MEI4: variants seen among roughly 807,000 people sequenced by gnomAD.
MEI4 encodes the protein meiotic double-stranded break formation protein 4.
MEI4 carries 27 observed loss-of-function variants against 31.4 expected under a neutral mutation model. The ratio of observed to expected loss-of-function variants is 0.86; its 90% CI spans 0.63 to 1.19. The LOEUF is 1.19. Ranked by LOEUF, MEI4 falls within the 50% of genes most tolerant of loss-of-function variation. MEI4 has a pLI of 0.00. For synonymous variants in MEI4, 122 were observed against 145.4 expected, an observed-to-expected ratio of 0.84 and a Z score of 1.16; for missense variants, 329 against 398.9, an observed-to-expected ratio of 0.82 and a Z score of 1.49.
chr6:77,658,341 A>T (rs1768437533), intron 1 of MEI4, among the ~76,000 whole-genome samples: 1 of 152,154 alleles, frequency 6.6e-6, no homozygotes, highest in Non-Finnish European at 1.5e-5. Context: ...CAATAGTGGA[A>T]TGTCATCAGT....
intron 2 of MEI4, among the ~76,000 whole-genome samples, chr6:77,695,872 G>A (rs1159279689): frequency 1.2e-4 from 18 of 152,122 alleles, no homozygotes; most frequent in Admixed American, 2.0e-4. Context: ...CCATTTTCAC[G>A]ATATAGATTC....
At chr6:77,834,380 T>C (rs1199233425) in intron 4 of MEI4, among the ~76,000 whole-genome samples, 3 of 147,774 alleles carry the variant, frequency 2.0e-5, no homozygotes, top group African/African-American at 7.3e-5. Flanking sequence ...TCATATTATA[T>C]ATTTATAAAT....
At chr6:77,671,145 C>T (rs201752628) in intron 1 of MEI4, among the ~76,000 whole-genome samples, 2 of 150,190 alleles carry the variant, frequency 1.3e-5, no homozygotes, top group East Asian at 4.0e-4. Context: ...GCAACCTCCA[C>T]TTCCTGGTTC....
intron 4 of MEI4, among the ~76,000 whole-genome samples, chr6:77,912,729 T>C (rs1361453367): frequency 6.6e-6 from 1 of 152,248 alleles, no homozygotes; most frequent in East Asian, 1.9e-4. Flanking sequence ...TTTTTCTAGA[T>C]AAAAGATATC....
intron 2 of MEI4, among the ~76,000 whole-genome samples, chr6:77,752,099 G>A (rs1264171075): frequency 6.6e-6 from 1 of 152,084 alleles, no homozygotes; most frequent in Non-Finnish European, 1.5e-5. Context: ...CAGTAAACTA[G>A]GTATTGATGG....
chr6:77,823,528 T>C (rs1562002755), intron 3 of MEI4, among the ~76,000 whole-genome samples: 1 of 152,146 alleles, frequency 6.6e-6, no homozygotes, highest in Non-Finnish European at 1.5e-5. Flanking sequence ...CAGATATACG[T>C]TAATAGCTAT....
rs543229892 is a variant in MEI4 at position 77,791,338 on chromosome 6, A to G, written c.768+29673A>G. Among the ~76,000 whole-genome samples, 98 of 152,108 alleles carry G rather than the reference A, an allele frequency of 6.4e-4. 1 individual carries two copies. In the East Asian group the frequency reaches 0.017, roughly 26 times the overall value. The stretch of plus-strand genomic sequence containing the variant: ...AAATGTGGCACATATACACCATGGA[A>G]TACTACGCAGCCATAAAAAATGATG... On this transcript the variant is annotated intron_variant, in intron 3 of 4. Coordinates refer to ENST00000684080, the MANE Select transcript of MEI4 (RefSeq NM_001322247.2).
chr6:77,866,412 C>T (rs1479897637), intron 4 of MEI4, among the ~76,000 whole-genome samples: 1 of 152,182 alleles, frequency 6.6e-6, no homozygotes, highest in Non-Finnish European at 1.5e-5. Flanking sequence ...GTACAAAAGT[C>T]ACAAGCATTC....
intron 3 of MEI4, among the ~76,000 whole-genome samples, chr6:77,770,044 A>G (rs941675182): frequency 1.3e-5 from 2 of 151,850 alleles, no homozygotes; most frequent in African/African-American, 4.8e-5. Flanking sequence ...GCACCAAGAG[A>G]GCACCTGGGA....
intron 1 of MEI4, among the ~76,000 whole-genome samples, chr6:77,667,949 A>C (rs1157130488): frequency 1.3e-5 from 2 of 149,218 alleles, no homozygotes; most frequent in Non-Finnish European, 3.0e-5. Flanking sequence ...ATGACTATAG[A>C]TCTAGCTTAA....
At chr6:77,865,051 A>G (rs1487062762) in intron 4 of MEI4, among the ~76,000 whole-genome samples, 2 of 152,250 alleles carry the variant, frequency 1.3e-5, no homozygotes, top group Non-Finnish European at 2.9e-5. Flanking sequence ...AAGACACAAC[A>G]TACCAGAATC....
At chr6:77,662,050 A>G (rs1768523342) in intron 1 of MEI4, among the ~76,000 whole-genome samples, 2 of 152,232 alleles carry the variant, frequency 1.3e-5, no homozygotes, top group South Asian at 2.1e-4. Flanking sequence ...ACCCTTGTGT[A>G]GTGAGGAAAC....
At chr6:77,884,178 C>G (rs1771567981) in intron 4 of MEI4, among the ~76,000 whole-genome samples, 1 of 152,138 alleles carries the variant, frequency 6.6e-6, no homozygotes, top group East Asian at 1.9e-4. Context: ...TATTCAGATT[C>G]CTTTCCCACT....
At chr6:77,859,194 A>G (rs1375431326) in intron 4 of MEI4, among the ~76,000 whole-genome samples, 1 of 152,138 alleles carries the variant, frequency 6.6e-6, no homozygotes, top group African/African-American at 2.4e-5. Context: ...AAAGGACATG[A>G]TCTCATCCCT....
chr6:77,886,077 A>C (rs1412824595), intron 4 of MEI4, among the ~76,000 whole-genome samples: 3 of 151,838 alleles, frequency 2.0e-5, no homozygotes, highest in Admixed American at 1.3e-4. Flanking sequence ...TTGTTGAAAA[A>C]TTTTGCATTT....
chr6:77,737,535 G>A (rs542884589), intron 2 of MEI4, among the ~76,000 whole-genome samples: 4 of 152,276 alleles, frequency 2.6e-5, no homozygotes, highest in African/African-American at 7.2e-5. Context: ...TCAGAAAGTG[G>A]TAGTAATATT....
At chr6:77,903,958 G>A (rs1766239516) in intron 4 of MEI4, among the ~76,000 whole-genome samples, 1 of 152,100 alleles carries the variant, frequency 6.6e-6, no homozygotes, top group Non-Finnish European at 1.5e-5. Context: ...GGTCAAGTCA[G>A]TCACTTGTAG....
intron 2 of MEI4, among the ~76,000 whole-genome samples, chr6:77,711,737 G>A (rs1234894341): frequency 1.3e-5 from 2 of 152,024 alleles, no homozygotes; most frequent in Non-Finnish European, 2.9e-5. Flanking sequence ...TTTTTCTCTT[G>A]TAAAGGTAAC....
chr6:77,902,757 A>G (rs1766210686), intron 4 of MEI4, among the ~76,000 whole-genome samples: 1 of 152,050 alleles, frequency 6.6e-6, no homozygotes, highest in Non-Finnish European at 1.5e-5. Context: ...TTTGTCTGTT[A>G]TCTACCTATG....
Sources: allele counts gnomAD v4.1 joint callset (sites outside exome capture counted in the v4.1 genomes callset), GRCh38; gene constraint gnomAD v4.1.1; transcripts MANE v1.5; gene names NCBI Gene and HGNC (gene_info 2026-07-23, HGNC 2026-07-21).